SOX5: variants seen among roughly 807,000 people sequenced by gnomAD.
SOX5 encodes transcription factor SOX-5.
SOX5 carries 9 observed loss-of-function variants against 92.0 expected under a neutral mutation model. That is an observed-to-expected ratio of 0.10 (90% CI 0.06 to 0.17). SOX5 has a LOEUF of 0.17. SOX5 is among the 10% of genes least tolerant of loss of function. SOX5 has a pLI of 1.00. For missense variants in SOX5, 642 were observed against 944.5 expected (o/e 0.68, Z 4.20); for synonymous variants, 344 against 336.3 (o/e 1.02, Z -0.25).
At chr12:23,582,329 A>G (rs1350132907) in intron 9 of SOX5, 1 of 976,220 alleles carries the variant, frequency 1.0e-6, no homozygotes, top group African/African-American at 1.8e-5. Flanking sequence ...GGATCTATAA[A>G]GAGATGGAAG....
At chr12:24,495,212 C>T (rs1947500511) in intron 1 of SOX5, among the ~76,000 whole-genome samples, 1 of 152,120 alleles carries the variant, frequency 6.6e-6, no homozygotes, top group Admixed American at 6.5e-5. Flanking sequence ...TATCATTCAA[C>T]AACTATCTAT....
intron 4 of SOX5, among the ~76,000 whole-genome samples, chr12:24,152,330 G>A (rs989876627): frequency 5.3e-5 from 8 of 151,808 alleles, no homozygotes; most frequent in African/African-American, 1.7e-4. Context: ...TGACTTTCAT[G>A]AACATTTTAT....
chr12:23,608,115 GAAAA>G (rs772255622), intron 8 of SOX5, among the ~76,000 whole-genome samples: 5 of 44,062 alleles, frequency 1.1e-4, no homozygotes, highest in Admixed American at 3.8e-4. Context: ...AAAGAAAAAA[GAAAA>G]AAAAAAAAAA....
At chr12:24,203,999 A>G (rs1957780583) in intron 4 of SOX5, among the ~76,000 whole-genome samples, 1 of 152,178 alleles carries the variant, frequency 6.6e-6, no homozygotes, top group Non-Finnish European at 1.5e-5. Context: ...AAAAAAGTCC[A>G]TTCAGATAAA....
At chr12:23,978,439 G>C (rs1949157873) in intron 4 of SOX5, among the ~76,000 whole-genome samples, 1 of 152,190 alleles carries the variant, frequency 6.6e-6, no homozygotes, top group Non-Finnish European at 1.5e-5. Context: ...GTTACACACA[G>C]AACTAAAACA....
chr12:24,118,039 G>GA (rs1170532800), intron 4 of SOX5, among the ~76,000 whole-genome samples: 12 of 119,574 alleles, frequency 1.0e-4, no homozygotes, highest in South Asian at 5.6e-4. Context: ...AAAAAAAAAA[G>GA]AAAAAAAAAA....
At chr12:23,570,977 A>T (rs1225708023) in intron 10 of SOX5, among the ~76,000 whole-genome samples, 12 of 84,356 alleles carry the variant, frequency 1.4e-4, no homozygotes, top group Admixed American at 3.2e-4. Context: ...ATATATATAT[A>T]TATATATTTT....
chr12:24,209,838 G>A (rs1958402763), intron 4 of SOX5, among the ~76,000 whole-genome samples: 1 of 151,134 alleles, frequency 6.6e-6, no homozygotes, highest in Non-Finnish European at 1.5e-5. Flanking sequence ...CTAAAACGGT[G>A]AAACCCCGTC....
intron 2 of SOX5, among the ~76,000 whole-genome samples, chr12:23,853,236 T>C (rs892965605): frequency 1.3e-5 from 2 of 151,254 alleles, no homozygotes; most frequent in Non-Finnish European, 2.9e-5. Flanking sequence ...CTACTAACTA[T>C]ATAGATTAGG....
intron 8 of SOX5, among the ~76,000 whole-genome samples, chr12:23,617,443 T>C (rs1281716899): frequency 6.6e-6 from 1 of 152,172 alleles, no homozygotes; most frequent in Non-Finnish European, 1.5e-5. Flanking sequence ...ACAGAAGATA[T>C]AATGTAATTT....
At chr12:23,644,634 G>A (rs992437331) in intron 7 of SOX5, among the ~76,000 whole-genome samples, 12 of 152,152 alleles carry the variant, frequency 7.9e-5, no homozygotes, top group African/African-American at 2.7e-4. Context: ...ATGCTCGTAT[G>A]CTAATGAGAA....
intron 6 of SOX5, among the ~76,000 whole-genome samples, chr12:23,721,975 T>C (rs771875027): frequency 6.9e-4 from 105 of 152,208 alleles, no homozygotes; most frequent in Non-Finnish European, 1.2e-3. Flanking sequence ...AGCATGGTGT[T>C]CACAGGAGGG....
intron 4 of SOX5, among the ~76,000 whole-genome samples, chr12:24,020,012 G>C (rs888841810): frequency 3.3e-5 from 5 of 152,114 alleles, no homozygotes; most frequent in African/African-American, 1.2e-4. Flanking sequence ...GGCCCTTTTA[G>C]TAATTAAATC....
At chr12:24,034,854 C>T (rs190888243) in intron 4 of SOX5, among the ~76,000 whole-genome samples, 1 of 152,182 alleles carries the variant, frequency 6.6e-6, no homozygotes, top group Non-Finnish European at 1.5e-5. Context: ...TACAATTAGG[C>T]TGTCTTGAAA....
chr12:23,616,300 C>T (rs993673553), intron 8 of SOX5, among the ~76,000 whole-genome samples: 2 of 152,234 alleles, frequency 1.3e-5, no homozygotes, highest in Non-Finnish European at 2.9e-5. Context: ...CTCCGCTAAC[C>T]TCCTAAGTGG....
At chr12:23,774,349 C>T (rs550949365) in intron 3 of SOX5, among the ~76,000 whole-genome samples, 53 of 152,248 alleles carry the variant, frequency 3.5e-4, no homozygotes, top group African/African-American at 1.2e-3. Context: ...AATTCTTTTA[C>T]ATATTTTGGT....
At position 24,084,370 on chromosome 12, in the gene SOX5, A is replaced by G. The variant is rs543900398; in HGVS notation, c.-2+128973T>C. ...AATTTCCTTAATATCACAGAAAAAC[A>G]TGGGAGAGCTCCTGACTTTTATCTC... On this transcript the variant is annotated intron_variant, in intron 4 of 4. Coordinates refer to the SOX5 transcript ENST00000446891. Among the ~76,000 whole-genome samples, 5 of 152,168 alleles carry G rather than the reference A, an allele frequency of 3.3e-5. No individual in the cohort carries two copies. The South Asian group carries it at 8.3e-4, about 25-fold the overall frequency.
chr12:23,713,140 G>C (rs1168859008), intron 6 of SOX5, among the ~76,000 whole-genome samples: 2 of 152,206 alleles, frequency 1.3e-5, no homozygotes, highest in African/African-American at 4.8e-5. Flanking sequence ...CACAGACATA[G>C]GGGAGAAAAC....
At chr12:24,203,351 T>A (rs1232292170) in intron 4 of SOX5, among the ~76,000 whole-genome samples, 1 of 152,194 alleles carries the variant, frequency 6.6e-6, no homozygotes, top group African/African-American at 2.4e-5. Context: ...CCTGGAATCA[T>A]CCATTTCTAC....
Sources: allele counts gnomAD v4.1 joint callset (sites outside exome capture counted in the v4.1 genomes callset), GRCh38; gene constraint gnomAD v4.1.1; transcripts MANE v1.5; gene names NCBI Gene and HGNC (gene_info 2026-07-23, HGNC 2026-07-21).